Variants in NR4A3 observed in about 807,000 individuals in gnomAD.
The protein encoded by NR4A3 is chondrosarcoma, extraskeletal myxoid, fused to EWS.
Under a neutral mutation model 55.6 loss-of-function variants are expected in NR4A3, and 13 were observed. The observed-to-expected ratio is 0.23, with a 90% CI of 0.15 to 0.37. The LOEUF is 0.37. Among genes scored for constraint, NR4A3 ranks in the 10% least tolerant of loss-of-function variants. The pLI, the probability that NR4A3 is intolerant of heterozygous loss-of-function variation, is 1.00. For synonymous variants in NR4A3, 342 were observed against 357.9 expected, an observed-to-expected ratio of 0.96 and a Z score of 0.50; for missense variants, 646 against 822.8, an observed-to-expected ratio of 0.79 and a Z score of 2.63.
At chr9:99,833,569 A>C (rs1387798358) in intron 5 of NR4A3, 115 bp downstream of exon 5, 5 of 1,609,080 alleles carry the variant, frequency 3.1e-6, no homozygotes, top group Non-Finnish European at 4.2e-6. Flanking sequence ...GACAGTTTTC[A>C]TACTTTTTCT....
chr9:99,843,800 C>A (rs1436887724), intron 5 of NR4A3, among the ~76,000 whole-genome samples: 1 of 151,576 alleles, frequency 6.6e-6, no homozygotes, highest in East Asian at 1.9e-4. Flanking sequence ...GGCACCCATG[C>A]TGGAGTGCAG....
chr9:99,839,550 G>A (rs533742566), intron 5 of NR4A3, among the ~76,000 whole-genome samples: 18 of 152,204 alleles, frequency 1.2e-4, no homozygotes, highest in Admixed American at 3.9e-4. Context: ...GTATAGCTGC[G>A]TTACTGCCAT....
chr9:99,861,691 C>T (rs1041716602), intron 7 of NR4A3, among the ~76,000 whole-genome samples: 1 of 152,182 alleles, frequency 6.6e-6, no homozygotes, highest in Non-Finnish European at 1.5e-5. Flanking sequence ...GGTTCCCAGG[C>T]CTCTTATTTG....
At chr9:99,848,865 C>G (rs1007993858) in intron 7 of NR4A3, among the ~76,000 whole-genome samples, 2 of 152,142 alleles carry the variant, frequency 1.3e-5, no homozygotes, top group African/African-American at 4.8e-5. Flanking sequence ...CCTGTTAGAC[C>G]TCATTCTTTC....
At chr9:99,844,452 C>T (rs931129373) in intron 5 of NR4A3, among the ~76,000 whole-genome samples, 197 bp from the exon 6 acceptor site, 1 of 152,186 alleles carries the variant, frequency 6.6e-6, no homozygotes, top group Admixed American at 6.5e-5. Context: ...TAAGTGATAA[C>T]GATAAAATTT....
chr9:99,833,604 T>C, intron 5 of NR4A3, 150 bp downstream of exon 5: 3 of 1,600,612 alleles, frequency 1.9e-6, no homozygotes, highest in Non-Finnish European at 2.5e-6. Context: ...ATTTAGCAAT[T>C]CAGTGCATCC....
At chr9:99,853,118 C>T (rs1016162671) in intron 7 of NR4A3, among the ~76,000 whole-genome samples, 2 of 152,106 alleles carry the variant, frequency 1.3e-5, no homozygotes, top group Non-Finnish European at 2.9e-5. Context: ...CCTTCCTTCT[C>T]ACAGGGTTAA....
intron 5 of NR4A3, among the ~76,000 whole-genome samples, chr9:99,834,560 AG>A (rs1229403486): frequency 2.0e-5 from 3 of 152,162 alleles, no homozygotes; most frequent in African/African-American, 7.2e-5. Context: ...ACCAGTCCAG[AG>A]GCCCCCAGTC....
chr9:99,829,000 G>A lies in NR4A3; in HGVS notation c.951+7G>A. The A allele has an allele frequency of 7.5e-7, 1 of 1,338,318 alleles. No homozygotes were observed. The highest frequency in any genetic ancestry group is 9.6e-7 in the Non-Finnish European group (1 of 1,043,018). The allele number at this position is 1,338,318 out of a possible 1,614,324, so 82.9% of individuals were successfully genotyped here. Reference sequence around the variant, plus strand: ...CTGCAAGGGCTTTTTCAAGGTGAGCGCACGCCGCCCCCTCCCCTCCGCACC... The same window carrying A: ...CTGCAAGGGCTTTTTCAAGGTGAGCACACGCCGCCCCCTCCCCTCCGCACC... On this transcript the variant is annotated splice_region_variant and intron_variant, in intron 3 of 7. Transcript: ENST00000395097. The surrounding 1 kb of genome is among the most constrained non-coding windows in gnomAD (Gnocchi z 7.7).
At chr9:99,834,886 A>G (rs1276948945) in intron 5 of NR4A3, 2 of 984,436 alleles carry the variant, frequency 2.0e-6, no homozygotes, top group Non-Finnish European at 2.4e-6. Flanking sequence ...CTTGACTACA[A>G]TCAAGTCTCA....
In NR4A3 at chr9:99,855,769, G is replaced by A. The variant is rs150766069; in HGVS notation, c.1634-7851G>A. ...GAGCTCCGAGTGGGGAGTCCTGTTT[G>A]TTTGTGTTTGAGCTACACATACCTC... On this transcript the variant is annotated intron_variant, in intron 7 of 7. Coordinates refer to ENST00000395097, the MANE Select transcript of NR4A3 (RefSeq NM_006981.4). Among the ~76,000 whole-genome samples, 883 of 152,222 alleles carry A rather than the reference G, an allele frequency of 5.8e-3. 5 individuals carry two copies. Among genetic ancestry groups the A allele is most frequent in the Non-Finnish European group, 0.01 (683 of 68,002 alleles).
At position 99,865,337 on chromosome 9, in the gene NR4A3, T is replaced by C; in HGVS notation, c.*1470T>C. The C allele has an allele frequency of 5.8e-6, 1 of 172,932 alleles. No individual in the cohort carries two copies. Among genetic ancestry groups the C allele is most frequent in the Non-Finnish European group, 1.2e-5 (1 of 80,012 alleles). The allele number at this position is 172,932 out of a possible 1,614,324, so 10.7% of individuals were successfully genotyped here. ...ATATATAAATATAGCAGGTTACATA[T>C]ATATATTTATAATGTGTCTTTTTAT... On this transcript the variant is annotated 3_prime_UTR_variant, in exon 8 of 8. Coordinates refer to ENST00000395097, the MANE Select transcript of NR4A3 (RefSeq NM_006981.4). This position sits in a 1 kb window ranked among gnomAD's most constrained non-coding sequence, Gnocchi z 4.3.
chr9:99,863,655 G>A lies in NR4A3; in HGVS notation c.1669G>A (p.Glu557Lys). The change falls in exon 8 of 8, where the codon GAG becomes AAG. Residue 557 changes from glutamate (E) to lysine (K), a missense_variant. Glu to Lys is a moderately conservative substitution (Grantham distance 56). Around this residue, in one of 5 missense-constraint regions of NR4A3, gnomAD observed 163 missense variants for 233.0 expected, o/e 0.70. Transcript: ENST00000395097. Reference protein sequence around the residue: ...HGLKEPKRVEELCNKITSSLK... With the variant: ...HGLKEPKRVEKLCNKITSSLK... ...GTTAAAAGAACCAAAGAGAGTCGAA[G>A]AGCTATGCAACAAGATCACAAGCAG... 6.2e-7 allele frequency: 1 copy of A among 1,613,968 alleles called. No individual in the cohort carries two copies. The highest frequency in any genetic ancestry group is 8.5e-7 in the Non-Finnish European group (1 of 1,179,938).
At position 99,863,882 on chromosome 9, in the gene NR4A3, G is replaced by A. The variant is rs374457804; in HGVS notation, c.*15G>A. On this transcript the variant is annotated 3_prime_UTR_variant, in exon 8 of 8. Coordinates refer to ENST00000395097, the MANE Select transcript of NR4A3 (RefSeq NM_006981.4). ...TACCTTTCTAATCAGGAGCAGTGGA[G>A]CAGTGAGCTGCCTCCTCTCCTAGCA... The A allele has an allele frequency of 2.5e-6, 4 of 1,605,034 alleles. No homozygotes were observed. Among genetic ancestry groups the A allele is most frequent in the African/African-American group, 1.3e-5 (1 of 74,792 alleles).
At chr9:99,841,650 T>C (rs1827651727) in intron 5 of NR4A3, among the ~76,000 whole-genome samples, 1 of 152,182 alleles carries the variant, frequency 6.6e-6, no homozygotes, top group South Asian at 2.1e-4. Flanking sequence ...ATGGTACACA[T>C]GGTAATCCCA....
chr9:99,828,595 G>A lies in NR4A3; in HGVS notation c.553G>A (p.Gly185Ser), dbSNP rs1456995015. 2.6e-6 allele frequency: 4 copies of A among 1,550,356 alleles called. No individual in the cohort carries two copies. The South Asian group carries it at 4.7e-5, about 18-fold the overall frequency. ...GATGAAGGCGGTCCCCACGGTGGCC[G>A]GCGCGCGCTTCCCGCTCTTCCACTT... ...PPMKAVPTVAGARFPLFHFKP... is the reference protein window; with the variant it reads ...PPMKAVPTVASARFPLFHFKP... The change falls in exon 3 of 8, where the codon GGC becomes AGC. Residue 185 changes from glycine (G) to serine (S), a missense_variant. Physicochemically the swap from Gly to Ser is moderately conservative, Grantham distance 56. Transcript: ENST00000395097. The surrounding 1 kb of genome is among the most constrained non-coding windows in gnomAD (Gnocchi z 7.7).
At chr9:99,840,965 G>C (rs923245204) in intron 5 of NR4A3, among the ~76,000 whole-genome samples, 1 of 152,168 alleles carries the variant, frequency 6.6e-6, no homozygotes. Context: ...GGGCGCGGTG[G>C]CTGATGCCTG....
chr9:99,827,202 C>T (rs1827312733), intron 2 of NR4A3, among the ~76,000 whole-genome samples: 1 of 151,680 alleles, frequency 6.6e-6, no homozygotes, highest in South Asian at 2.1e-4. Context: ...TAGTTATAAA[C>T]TGTTATCACA....
Position 99,822,673 on chromosome 9 carries a change from G to A in NR4A3, c.-177+266G>A, listed in dbSNP as rs1827203606. On this transcript the variant is annotated intron_variant, in intron 1 of 7. Coordinates refer to ENST00000395097, the MANE Select transcript of NR4A3 (RefSeq NM_006981.4). The surrounding 1 kb of genome is among the most constrained non-coding windows in gnomAD (Gnocchi z 4.9). ...AGCCTCTAACAAAGAGGAGGACCGG[G>A]ATTTGTGCTATAGCGGCTCCAGCGA... is the stretch of plus-strand genomic sequence containing the variant. Among the ~76,000 whole-genome samples, 1 of 152,164 alleles carries A rather than the reference G, an allele frequency of 6.6e-6. No homozygotes were observed. The highest frequency in any genetic ancestry group is 1.5e-5 in the Non-Finnish European group (1 of 68,028).
Sources: allele counts gnomAD v4.1 joint callset (sites outside exome capture counted in the v4.1 genomes callset), GRCh38; gene constraint gnomAD v4.1.1; regional missense constraint gnomAD v4.1.1; non-coding constraint Gnocchi (gnomAD v3.1); transcripts MANE v1.5; gene names NCBI Gene and HGNC (gene_info 2026-07-23, HGNC 2026-07-21).